The following LUZP2 variants were observed in gnomAD, a reference collection of about 807,000 sequenced individuals.
LUZP2 encodes leucine zipper protein 2.
LUZP2 carries 52 observed loss-of-function variants against 51.6 expected under a neutral mutation model. The observed-to-expected ratio is 1.01, with a 90% confidence interval of 0.81 to 1.27. The LOEUF (loss-of-function observed/expected upper bound fraction) is 1.27. Ranked by LOEUF, LUZP2 falls within the 50% of genes most tolerant of loss-of-function variation. LUZP2 has a pLI of 0.00. For synonymous variants in LUZP2, 154 were observed against 137.3 expected (o/e 1.12, Z -0.85); for missense variants, 436 against 395.4 (o/e 1.10, Z -0.87).
At chr11:24,790,485 T>G (rs1277904286) in intron 5 of LUZP2, among the ~76,000 whole-genome samples, 1 of 151,956 alleles carries the variant, frequency 6.6e-6, no homozygotes, top group Non-Finnish European at 1.5e-5. Flanking sequence ...CTTCTTTCAT[T>G]CTTTATTTTT....
chr11:24,679,223 T>C (rs1360808018), intron 1 of LUZP2, among the ~76,000 whole-genome samples: 1 of 152,218 alleles, frequency 6.6e-6, no homozygotes, highest in Non-Finnish European at 1.5e-5. Flanking sequence ...CTTTATTGCT[T>C]TATTTACTCA....
intron 1 of LUZP2, among the ~76,000 whole-genome samples, chr11:24,646,791 G>A (rs1009449767): frequency 6.6e-6 from 1 of 151,996 alleles, no homozygotes; most frequent in Non-Finnish European, 1.5e-5. Context: ...CATGTCACTG[G>A]TCTGTGTCAG....
rs925261210 is a variant in LUZP2, at chr11:24,611,921, A to G, written c.62+114616A>G. Among the ~76,000 whole-genome samples the G allele has an allele frequency of 5.3e-5, 8 of 152,320 alleles. No homozygotes were observed. Among genetic ancestry groups the G allele is most frequent in the Admixed American group, 2.6e-4 (4 of 15,300 alleles). On this transcript the variant is annotated intron_variant, in intron 1 of 11. Coordinates refer to ENST00000336930, the MANE Select transcript of LUZP2 (RefSeq NM_001009909.4). This position sits in a 1 kb window ranked among gnomAD's most constrained non-coding sequence, Gnocchi z 4.6. ...TAAATGTAGTCTTGAGTCAGACAATATGTGTTATGCCAAGAAGTTTAAACT... is the reference window on the plus strand; with the variant it reads ...TAAATGTAGTCTTGAGTCAGACAATGTGTGTTATGCCAAGAAGTTTAAACT...
At chr11:24,910,707 C>T (rs1440446744) in intron 6 of LUZP2, among the ~76,000 whole-genome samples, 2 of 152,122 alleles carry the variant, frequency 1.3e-5, no homozygotes, top group Non-Finnish European at 2.9e-5. Flanking sequence ...CCTGCAGGGG[C>T]GGAAGCCACA....
At chr11:24,811,891 G>A (rs1850034385) in intron 5 of LUZP2, among the ~76,000 whole-genome samples, 2 of 152,068 alleles carry the variant, frequency 1.3e-5, no homozygotes, top group South Asian at 4.1e-4. Flanking sequence ...CAGCGAATGG[G>A]GCCAAGGAAA....
At chr11:24,845,677 C>G (rs1437929889) in intron 5 of LUZP2, among the ~76,000 whole-genome samples, 1 of 152,138 alleles carries the variant, frequency 6.6e-6, no homozygotes, top group Non-Finnish European at 1.5e-5. Context: ...CTACACTCTT[C>G]TTGTGATGGT....
intron 1 of LUZP2, among the ~76,000 whole-genome samples, chr11:24,704,252 G>A (rs986654902): frequency 2.6e-5 from 4 of 152,050 alleles, no homozygotes; most frequent in African/African-American, 9.7e-5. Context: ...CAAGCACAGA[G>A]TTAAACTTAT....
At chr11:25,074,717 T>C (rs1317836741) in intron 10 of LUZP2, among the ~76,000 whole-genome samples, 1 of 152,186 alleles carries the variant, frequency 6.6e-6, no homozygotes, top group Non-Finnish European at 1.5e-5. Flanking sequence ...TCAAATTTCA[T>C]AGGTACATTT....
At chr11:24,532,012 GT>G (rs1851017079) in intron 1 of LUZP2, among the ~76,000 whole-genome samples, 1 of 150,904 alleles carries the variant, frequency 6.6e-6, no homozygotes, top group Non-Finnish European at 1.5e-5. Flanking sequence ...GAAGAATTCT[GT>G]TTTTAATATT....
At chr11:25,006,949 T>C in intron 9 of LUZP2, among the ~76,000 whole-genome samples, 1 of 152,202 alleles carries the variant, frequency 6.6e-6, no homozygotes, top group East Asian at 1.9e-4. Context: ...TTCCCTTATT[T>C]GGCCCAGCCA....
At chr11:24,799,286 T>C (rs1196897805) in intron 5 of LUZP2, among the ~76,000 whole-genome samples, 1 of 152,098 alleles carries the variant, frequency 6.6e-6, no homozygotes, top group Admixed American at 6.6e-5. Context: ...AAGAAACCAG[T>C]ACAACTTCCA....
At chr11:24,533,249 A>G (rs1373884494) in intron 1 of LUZP2, among the ~76,000 whole-genome samples, 1 of 151,222 alleles carries the variant, frequency 6.6e-6, no homozygotes, top group Non-Finnish European at 1.5e-5. Context: ...GCTTGATTCA[A>G]TTCTGTGTGT....
chr11:24,706,911 C>T (rs375639128), intron 1 of LUZP2, among the ~76,000 whole-genome samples: 9 of 150,648 alleles, frequency 6.0e-5, no homozygotes, highest in Admixed American at 3.3e-4. Flanking sequence ...ATAAGTAAAT[C>T]GATTAAAGCA....
At chr11:24,795,662 A>G (rs1849526055) in intron 5 of LUZP2, among the ~76,000 whole-genome samples, 1 of 152,060 alleles carries the variant, frequency 6.6e-6, no homozygotes, top group South Asian at 2.1e-4. Context: ...TTGCTTTGTC[A>G]GCATGTCAGT....
At chr11:24,914,604 A>G in intron 7 of LUZP2, 66 bp downstream of exon 7, 2 of 1,055,180 alleles carry the variant, frequency 1.9e-6, no homozygotes. Context: ...CAAAAACATT[A>G]TTTAGGTTAA....
chr11:24,664,217 C>T (rs1253038021), intron 1 of LUZP2, among the ~76,000 whole-genome samples: 1 of 152,042 alleles, frequency 6.6e-6, no homozygotes, highest in African/African-American at 2.4e-5. Context: ...TGGGAACTTC[C>T]TAGAGACTTG....
chr11:24,669,382 A>G (rs1230464439), intron 1 of LUZP2, among the ~76,000 whole-genome samples: 1 of 152,138 alleles, frequency 6.6e-6, no homozygotes, highest in Non-Finnish European at 1.5e-5. Context: ...GGAATAAAAA[A>G]TAAATTCTGT....
chr11:24,634,208 TAAAGGC>T (rs1454538451), intron 1 of LUZP2, among the ~76,000 whole-genome samples: 7 of 151,882 alleles, frequency 4.6e-5, no homozygotes. Context: ...TCTAAGAACT[TAAAGGC>T]AAAATATTGG....
At chr11:24,826,190 A>AAAAAAAAAATATATATATATATATAT (rs1215786412) in intron 5 of LUZP2, among the ~76,000 whole-genome samples, 2 of 67,550 alleles carry the variant, frequency 3.0e-5, no homozygotes, top group African/African-American at 1.2e-4. Flanking sequence ...AAAAAAAAAA[A>AAAAAAAAAATATATATATATATATAT]ATATATATAT....
Sources: allele counts gnomAD v4.1 joint callset (sites outside exome capture counted in the v4.1 genomes callset), GRCh38; gene constraint gnomAD v4.1.1; non-coding constraint Gnocchi (gnomAD v3.1); transcripts MANE v1.5; gene names NCBI Gene and HGNC (gene_info 2026-07-23, HGNC 2026-07-21).